Variants in TLN2 observed in about 807,000 individuals in gnomAD.
The protein encoded by TLN2 is talin-2.
A neutral mutation model predicts 294.7 loss-of-function variants in TLN2; 118 were observed. The ratio of observed to expected loss-of-function variants is 0.40; its 90% confidence interval spans 0.34 to 0.47. The LOEUF (loss-of-function observed/expected upper bound fraction) is 0.47. TLN2 is among the 20% of genes least tolerant of loss of function. TLN2 has a pLI of 0.84. For missense variants in TLN2, 3,083 were observed against 3,282.2 expected (o/e 0.94, Z 1.48); for synonymous variants, 1,431 against 1,304.5 (o/e 1.10, Z -2.09).
chr15:62,437,891 A>G (rs941073369), intron 1 of TLN2, among the ~76,000 whole-genome samples: 4 of 152,120 alleles, frequency 2.6e-5, no homozygotes, highest in Admixed American at 6.5e-5. Flanking sequence ...ATAGTCATGA[A>G]TCATTTATGC....
chr15:62,712,730 G>A (rs1312433749), intron 22 of TLN2, among the ~76,000 whole-genome samples: 1 of 152,108 alleles, frequency 6.6e-6, no homozygotes, highest in African/African-American at 2.4e-5. Flanking sequence ...GACTCAGTGT[G>A]TGTGTGTGTG....
At chr15:62,827,927 T>C (rs2068377474) in intron 54 of TLN2, 1 of 152,232 alleles carries the variant, frequency 6.6e-6, no homozygotes, top group African/African-American at 2.4e-5. Flanking sequence ...GTTCTCAGAA[T>C]CCATGAAAGG....
intron 52 of TLN2, among the ~76,000 whole-genome samples, chr15:62,818,935 A>G (rs910184011): frequency 6.6e-6 from 1 of 151,858 alleles, no homozygotes; most frequent in Non-Finnish European, 1.5e-5. Context: ...TGCTCACTGC[A>G]GCCTTGACCT....
intron 28 of TLN2, 58 bp downstream of exon 28, chr15:62,727,247 GGGA>G: frequency 6.9e-6 from 10 of 1,458,384 alleles, no homozygotes; most frequent in South Asian, 1.2e-5. Flanking sequence ...GGTGTAGTGG[GGGA>G]GGAGGAGGAG....
chr15:62,499,087 A>ATT (rs377591199), intron 1 of TLN2, among the ~76,000 whole-genome samples: 1 of 150,844 alleles, frequency 6.6e-6, no homozygotes, highest in Admixed American at 6.6e-5. Flanking sequence ...TGATGACAGA[A>ATT]TTTTTTTTTT....
At chr15:62,809,814 C>G (rs1339287732) in intron 51 of TLN2, 111 bp from the exon 52 acceptor site, 2 of 930,194 alleles carry the variant, frequency 2.2e-6, no homozygotes, top group East Asian at 2.6e-5. Context: ...TCCAGGGAGT[C>G]AGGGCAGTTT....
At chr15:62,745,483 C>T (rs1207187968) in intron 32 of TLN2, among the ~76,000 whole-genome samples, 1 of 152,122 alleles carries the variant, frequency 6.6e-6, no homozygotes, top group Admixed American at 6.5e-5. Context: ...TTCAAAATAA[C>T]ATTATAAAGT....
chr15:62,536,209 G>A (rs1019371048), intron 1 of TLN2, among the ~76,000 whole-genome samples: 6 of 152,148 alleles, frequency 3.9e-5, no homozygotes, highest in Non-Finnish European at 7.3e-5. Context: ...GAATCACCGG[G>A]GGATCTTTTA....
At chr15:62,740,986 T>C (rs1229160480) in intron 32 of TLN2, among the ~76,000 whole-genome samples, 1 of 152,266 alleles carries the variant, frequency 6.6e-6, no homozygotes, top group Non-Finnish European at 1.5e-5. Context: ...TGTCTTCTCA[T>C]ACAGCCTTTT....
chr15:62,762,253 C>A lies in TLN2; in HGVS notation c.4780-19C>A, dbSNP rs763271770. 6.2e-7 allele frequency: 1 copy of A among 1,613,682 alleles called. No individual in the cohort carries two copies. The highest frequency in any genetic ancestry group is 1.1e-5 in the South Asian group (1 of 91,056). ...ATGTCTTCGACCCTGACTTTGATTT[C>A]TCTGCTGTTTGGTCTCAGGGTTCCC... On this transcript the variant is annotated intron_variant, in intron 38 of 58. Coordinates refer to ENST00000636159, the MANE Select transcript of TLN2 (RefSeq NM_015059.3).
chr15:62,557,209 G>T (rs2042655330), intron 1 of TLN2, among the ~76,000 whole-genome samples: 1 of 152,156 alleles, frequency 6.6e-6, no homozygotes, highest in South Asian at 2.1e-4. Context: ...GACCCAGGCT[G>T]GGGTGGAGTC....
chr15:62,396,734 T>A (rs895880759), intron 1 of TLN2, among the ~76,000 whole-genome samples: 1 of 151,774 alleles, frequency 6.6e-6, no homozygotes, highest in Admixed American at 6.6e-5. Context: ...TTTTTTTTAC[T>A]TTTAGACAGG....
intron 12 of TLN2, among the ~76,000 whole-genome samples, chr15:62,688,616 A>G (rs999605889): frequency 1.3e-5 from 2 of 152,170 alleles, no homozygotes; most frequent in African/African-American, 2.4e-5. Context: ...GGTTCTTAAC[A>G]GTAATTATGG....
At chr15:62,564,107 C>G (rs906435516) in intron 1 of TLN2, among the ~76,000 whole-genome samples, 2 of 152,174 alleles carry the variant, frequency 1.3e-5, no homozygotes, top group African/African-American at 4.8e-5. Context: ...AATGATTGCA[C>G]ATGTCCTAAT....
chr15:62,741,692 A>G (rs1247922843), intron 32 of TLN2, among the ~76,000 whole-genome samples: 4 of 144,120 alleles, frequency 2.8e-5, no homozygotes, highest in African/African-American at 1.0e-4. Context: ...TGATTTTTGA[A>G]AAGCATAGCT....
At chr15:62,830,927 T>C (rs1185667921) in intron 54 of TLN2, 1 of 151,954 alleles carries the variant, frequency 6.6e-6, no homozygotes, top group Non-Finnish European at 1.5e-5. Context: ...AGAGATGTTG[T>C]GGGAAGAAAA....
intron 28 of TLN2, among the ~76,000 whole-genome samples, chr15:62,732,951 T>C (rs1434006169): frequency 6.6e-6 from 1 of 152,192 alleles, no homozygotes; most frequent in Non-Finnish European, 1.5e-5. Flanking sequence ...AGAGCATCAT[T>C]AGGCAGCTAA....
At chr15:62,807,105 G>A (rs1050099056) in intron 51 of TLN2, among the ~76,000 whole-genome samples, 1 of 152,108 alleles carries the variant, frequency 6.6e-6, no homozygotes, top group South Asian at 2.1e-4. Flanking sequence ...CACACAGGAC[G>A]CAGGGCTTGC....
chr15:62,746,877 A>G (rs1329513406), intron 32 of TLN2, among the ~76,000 whole-genome samples: 1 of 152,190 alleles, frequency 6.6e-6, no homozygotes, highest in African/African-American at 2.4e-5. Flanking sequence ...TATTTGTAGC[A>G]TGCTCTTTGG....
Sources: allele counts gnomAD v4.1 joint callset (sites outside exome capture counted in the v4.1 genomes callset), GRCh38; gene constraint gnomAD v4.1.1; transcripts MANE v1.5; gene names NCBI Gene and HGNC (gene_info 2026-07-23, HGNC 2026-07-21).